The following MBP variants were observed in gnomAD, a reference collection of about 807,000 sequenced individuals.
MBP encodes the protein myelin basic protein, also known as Golli-MBP.
A neutral mutation model predicts 35.8 loss-of-function variants in MBP; 16 were observed. The observed-to-expected ratio is 0.45, with a 90% CI of 0.30 to 0.68. The LOEUF is 0.68. MBP is among the 30% of genes least tolerant of loss of function. The pLI, the probability that MBP is intolerant of heterozygous loss-of-function variation, is 0.08. For synonymous variants in MBP, 143 were observed against 159.6 expected (o/e 0.90, Z 0.78); for missense variants, 380 against 404.7 (o/e 0.94, Z 0.52).
chr18:77,054,464 G>T (rs1267785698), intron 3 of MBP, among the ~76,000 whole-genome samples: 1 of 152,212 alleles, frequency 6.6e-6, no homozygotes, highest in Non-Finnish European at 1.5e-5. Flanking sequence ...AACAGGTGGA[G>T]GGGATTTGAG....
intron 4 of MBP, among the ~76,000 whole-genome samples, chr18:77,012,595 C>T (rs759922473): frequency 6.6e-6 from 1 of 152,044 alleles, no homozygotes; most frequent in Non-Finnish European, 1.5e-5. Context: ...AGTAAAATGT[C>T]TCTGTGTAGT....
chr18:77,026,391 A>AT (rs1248639034), intron 3 of MBP, among the ~76,000 whole-genome samples: 1 of 152,276 alleles, frequency 6.6e-6, no homozygotes, highest in Non-Finnish European at 1.5e-5. Flanking sequence ...ATAGGAAAAC[A>AT]TAACGAATAA....
rs941875541 is a variant in MBP at position 76,993,324 on chromosome 18, G to A, written c.577-3264C>T. 5.3e-5 allele frequency among the ~76,000 whole-genome samples: 8 copies of A among 152,206 alleles called. No homozygotes were observed. In the South Asian group the frequency reaches 6.2e-4, roughly 12 times the overall value. On this transcript the variant is annotated intron_variant, in intron 4 of 8. Transcript: ENST00000355994. ...TCCTAGCACTTTGGGAGGCCGAGGC[G>A]GGCAGATTGCCTGAGGTCAGGAGTT...
chr18:77,131,070 CG>C lies in MBP; in HGVS notation c.-26+1509del. The stretch of plus-strand genomic sequence containing the variant: ...AACCTCAAAAAACAAAACACACACA[CG>C]CGCGCACGCACGCGCACACACACAC... On this transcript the variant is annotated intron_variant, in intron 1 of 8. Transcript: ENST00000355994. The surrounding 1 kb of genome is among the most constrained non-coding windows in gnomAD (Gnocchi z 5.5). 6.8e-5 allele frequency among the ~76,000 whole-genome samples: 1 copy of C among 14,726 alleles called. No homozygotes were observed. 9.7% of individuals were successfully genotyped at this position (14,726 alleles called of 152,430 possible).
chr18:77,121,049 C>A (rs922358623), intron 1 of MBP, among the ~76,000 whole-genome samples: 153 of 152,200 alleles, frequency 1.0e-3, no homozygotes, highest in Non-Finnish European at 6.5e-4. Context: ...CCTGTAATCC[C>A]AGCACTTTGG....
Position 76,979,618 on chromosome 18 carries a change from T to G in MBP, c.*809A>C, listed in dbSNP as rs1035697639. On this transcript the variant is annotated 3_prime_UTR_variant, in exon 9 of 9. Transcript: ENST00000355994. ...ACGAGGTTGTTCATAGAGGCTGCTCTGGGGCCACCATGCAGGGCAACGGTG... is the reference window on the plus strand; with the variant it reads ...ACGAGGTTGTTCATAGAGGCTGCTCGGGGGCCACCATGCAGGGCAACGGTG... The G allele has an allele frequency of 2.9e-6, 1 of 343,764 alleles. No homozygotes were observed. Among genetic ancestry groups the G allele is most frequent in the Non-Finnish European group, 5.4e-6 (1 of 184,378 alleles). 21.3% of individuals were successfully genotyped at this position (343,764 alleles called of 1,614,324 possible).
intron 3 of MBP, among the ~76,000 whole-genome samples, chr18:77,058,557 G>A (rs1239743932): frequency 6.6e-6 from 1 of 152,018 alleles, no homozygotes; most frequent in Non-Finnish European, 1.5e-5. Context: ...CACCACCCCC[G>A]CCCCCGCGTG....
Position 76,988,798 on chromosome 18 carries a change from C to A in MBP, c.717+79G>T, listed in dbSNP as rs375821949. 3.3e-5 allele frequency: 50 copies of A among 1,497,818 alleles called. No individual in the cohort carries two copies. The East Asian group carries it at 3.9e-4, about 12-fold the overall frequency. 92.8% of individuals were successfully genotyped at this position (1,497,818 alleles called of 1,614,324 possible). A position where few individuals can be genotyped will look rare whatever the true frequency, so the allele number is the denominator to read the frequency against. ...GATTCTGGTAGCTCGGAGCCTAACT[C>A]TCTCTTTGGTACATTATGGGATTTT... On this transcript the variant is annotated intron_variant, in intron 6 of 8. Coordinates refer to ENST00000355994, the MANE Select transcript of MBP (RefSeq NM_001025101.2). This position sits in a 1 kb window ranked among gnomAD's most constrained non-coding sequence, Gnocchi z 5.2.
intron 4 of MBP, among the ~76,000 whole-genome samples, chr18:77,001,379 A>T (rs1435446124): frequency 6.6e-6 from 1 of 152,232 alleles, no homozygotes; most frequent in African/African-American, 2.4e-5. Context: ...GTAGCCTGAC[A>T]GTCTCCAGCC....
intron 7 of MBP, chr18:76,985,476 G>T: frequency 2.5e-6 from 3 of 1,185,904 alleles, no homozygotes; most frequent in Non-Finnish European, 3.2e-6. Flanking sequence ...GTCGAGCCTC[G>T]TATCTTTTAT....
intron 4 of MBP, chr18:77,005,338 G>T (rs947305400): frequency 2.0e-5 from 3 of 152,272 alleles, no homozygotes; most frequent in African/African-American, 7.2e-5. Flanking sequence ...CACCTTGATG[G>T]CAGCCCGCCC....
At position 77,000,683 on chromosome 18, in the gene MBP, A is replaced by G. The variant is rs559809365; in HGVS notation, c.577-10623T>C. On this transcript the variant is annotated intron_variant, in intron 4 of 8. Transcript: ENST00000355994. ...TGCTGCCCGCCGCCTGTTTCTCTCC[A>G]GAAATCAGGAAGAGGGTTGTTGTTG... Among the ~76,000 whole-genome samples, 11 of 152,330 alleles carry G rather than the reference A, an allele frequency of 7.2e-5. No homozygotes were observed. In the South Asian group the frequency reaches 2.1e-3, roughly 29 times the overall value.
chr18:77,045,774 G>A (rs778372908), intron 3 of MBP, among the ~76,000 whole-genome samples: 10 of 152,246 alleles, frequency 6.6e-5, no homozygotes, highest in East Asian at 1.9e-4. Context: ...CCGATTAACA[G>A]TGAAATTACT....
intron 7 of MBP, chr18:76,986,877 T>A: frequency 2.0e-6 from 2 of 985,440 alleles, no homozygotes; most frequent in Non-Finnish European, 2.4e-6. Flanking sequence ...TCCTTAGTCA[T>A]GTTTATCTTT....
intron 2 of MBP, among the ~76,000 whole-genome samples, chr18:77,078,482 T>C (rs1974751759): frequency 6.6e-6 from 1 of 152,222 alleles, no homozygotes; most frequent in Non-Finnish European, 1.5e-5. Context: ...AGAAGGTTCA[T>C]GTCAAAAACT....
chr18:77,083,507 C>G (rs1211680158), intron 2 of MBP, among the ~76,000 whole-genome samples: 1 of 152,136 alleles, frequency 6.6e-6, no homozygotes, highest in Non-Finnish European at 1.5e-5. Flanking sequence ...GAAATAAAAA[C>G]GTGTCCACAT....
intron 3 of MBP, among the ~76,000 whole-genome samples, chr18:77,051,727 C>A (rs373577422): frequency 1.3e-5 from 2 of 152,122 alleles, no homozygotes. Context: ...GAAGAAAGGG[C>A]GGAATGAATA....
chr18:77,111,356 A>C (rs760619007), intron 1 of MBP, among the ~76,000 whole-genome samples: 1 of 152,158 alleles, frequency 6.6e-6, no homozygotes, highest in Non-Finnish European at 1.5e-5. Context: ...CAAAATAATA[A>C]AGGAGATACC....
In MBP at chr18:77,102,168, G is replaced by A. The variant is rs1359047467; in HGVS notation, c.51+3043C>T. Among the ~76,000 whole-genome samples, 1 of 152,106 alleles carries A rather than the reference G, an allele frequency of 6.6e-6. No homozygotes were observed. The highest frequency in any genetic ancestry group is 1.5e-5 in the Non-Finnish European group (1 of 68,018). Reference sequence around the variant, plus strand: ...AGGTGGCAGCAGGGTGGGAAGGAGGGGGCCCTCAGCAGCCTGGGCCGGGCA... The same window carrying A: ...AGGTGGCAGCAGGGTGGGAAGGAGGAGGCCCTCAGCAGCCTGGGCCGGGCA... On this transcript the variant is annotated intron_variant, in intron 2 of 8. Transcript: ENST00000355994. The surrounding 1 kb of genome is among the most constrained non-coding windows in gnomAD (Gnocchi z 4.4).
Sources: allele counts gnomAD v4.1 joint callset (sites outside exome capture counted in the v4.1 genomes callset), GRCh38; gene constraint gnomAD v4.1.1; non-coding constraint Gnocchi (gnomAD v3.1); transcripts MANE v1.5; gene names NCBI Gene and HGNC (gene_info 2026-07-23, HGNC 2026-07-21).